The following C20orf96 variants were observed in gnomAD, a reference collection of about 807,000 sequenced individuals.
C20orf96 encodes the protein chromosome 20 open reading frame 96.
C20orf96 carries 57 observed loss-of-function variants against 52.6 expected under a neutral mutation model. That is an observed-to-expected ratio of 1.08 (90% CI 0.88 to 1.35). The LOEUF (loss-of-function observed/expected upper bound fraction) is 1.35, where lower values mean the gene tolerates loss of function less well. C20orf96 is among the 40% of genes most tolerant of loss of function. C20orf96 has a pLI of 0.00. For synonymous variants in C20orf96, 168 were observed against 157.2 expected, an observed-to-expected ratio of 1.07 and a Z score of -0.51; for missense variants, 478 against 443.6, an observed-to-expected ratio of 1.08 and a Z score of -0.70.
chr20:285,415 A>G (rs2012357884), intron 3 of C20orf96, among the ~76,000 whole-genome samples: 1 of 152,244 alleles, frequency 6.6e-6, no homozygotes, highest in Non-Finnish European at 1.5e-5. Flanking sequence ...ATCCTGAGAA[A>G]TGCTGGCATT....
intron 3 of C20orf96, among the ~76,000 whole-genome samples, chr20:288,174 C>CTTTTTTTTTT (rs1237648367): frequency 3.9e-4 from 26 of 66,054 alleles, no homozygotes; most frequent in East Asian, 1.1e-3. Context: ...TTTTCTTTTT[C>CTTTTTTTTTT]TTTTTTTTTT....
chr20:279,098 G>GGGAC, intron 5 of C20orf96, 74 bp downstream of exon 5: 3 of 1,005,080 alleles, frequency 3.0e-6, no homozygotes, highest in East Asian at 4.0e-5. Context: ...GCGGGACGGA[G>GGGAC]GGACGGAGGG....
chr20:282,238 G>A (rs895339763), intron 4 of C20orf96, among the ~76,000 whole-genome samples: 3 of 152,188 alleles, frequency 2.0e-5, no homozygotes, highest in South Asian at 2.1e-4. Context: ...ACTCTCCTCC[G>A]TGCCTCCAGC....
chr20:277,552 G>C (rs961744725), intron 6 of C20orf96, among the ~76,000 whole-genome samples, 169 bp from the exon 7 acceptor site: 3 of 152,116 alleles, frequency 2.0e-5, no homozygotes, highest in African/African-American at 7.2e-5. Flanking sequence ...GCTCTAGACG[G>C]TTTTCCACCC....
At position 271,128 on chromosome 20, in the gene C20orf96, C is replaced by T. The variant is rs949067882; in HGVS notation, c.*79G>A. ...GTAGATCAGGGTCTGAATGGAGATCCGGTCCTGGAAGTAAATGATCCAAGG... is the reference window on the plus strand; with the variant it reads ...GTAGATCAGGGTCTGAATGGAGATCTGGTCCTGGAAGTAAATGATCCAAGG... On this transcript the variant is annotated 3_prime_UTR_variant, in exon 11 of 11. Coordinates refer to ENST00000360321, the MANE Select transcript of C20orf96 (RefSeq NM_153269.3). The T allele has an allele frequency of 3.1e-5, 38 of 1,220,894 alleles. No individual in the cohort carries two copies. Among genetic ancestry groups the T allele is most frequent in the Non-Finnish European group, 3.9e-5 (33 of 848,608 alleles). The allele number at this position is 1,220,894 out of a possible 1,614,324, so 75.6% of individuals were successfully genotyped here. A position where few individuals can be genotyped will look rare whatever the true frequency, so the allele number is the denominator to read the frequency against.
Position 277,330 on chromosome 20 carries a change from C to T in C20orf96, c.619G>A (p.Glu207Lys). Residue 207 changes from glutamate to lysine, a missense_variant, in exon 7 of 11, where the codon GAA becomes AAA. Glu to Lys is a moderately conservative substitution (Grantham distance 56, BLOSUM62 1). Transcript: ENST00000360321. ...ATGTAAGTGCTCAGGAAGTTCACTT[C>T]CTCCTGGGTCTTCTCAATCTTGGCA... ...LNAKIEKTQE[E>K]VNFLSTYMDH... The T allele has an allele frequency of 6.2e-7, 1 of 1,614,136 alleles. No individual in the cohort carries two copies. The highest frequency in any genetic ancestry group is 8.5e-7 in the Non-Finnish European group (1 of 1,180,030).
Position 290,268 on chromosome 20 carries a change from G to T in C20orf96, c.60C>A (p.Phe20Leu). ...HSGTHSIVQE[F>L]QVPDYVPWQQ... is the part of the protein sequence containing the mutation. ...GTCCCCCAAGACTCACCGGAACCTG[G>T]AACTCCTGGACTATGGAGTGAGTCC... is the stretch of plus-strand genomic sequence containing the variant. Residue 20 changes from phenylalanine (F) to leucine (L), a missense_variant, in exon 2 of 11, where the codon TTC becomes TTA. By Grantham distance (22) the Phe-to-Leu change is conservative. Coordinates refer to ENST00000360321, the MANE Select transcript of C20orf96 (RefSeq NM_153269.3). 1 of 1,612,378 alleles carries T rather than the reference G, an allele frequency of 6.2e-7. No individual in the cohort carries two copies. The highest frequency in any genetic ancestry group is 1.1e-5 in the South Asian group (1 of 90,590).
rs2011816640 is a variant in C20orf96 at position 271,135 on chromosome 20, G to A, written c.*72C>T. 8.5e-6 allele frequency: 11 copies of A among 1,295,674 alleles called. No individual in the cohort carries two copies. The highest frequency in any genetic ancestry group is 1.3e-5 in the South Asian group (1 of 78,736). The allele number at this position is 1,295,674 out of a possible 1,614,324, so 80.3% of individuals were successfully genotyped here. A position where few individuals can be genotyped will look rare whatever the true frequency, so the allele number is the denominator to read the frequency against. ...AGGGTCTGAATGGAGATCCGGTCCTGGAAGTAAATGATCCAAGGCTCCAGG... is the reference window on the plus strand; with the variant it reads ...AGGGTCTGAATGGAGATCCGGTCCTAGAAGTAAATGATCCAAGGCTCCAGG... On this transcript the variant is annotated 3_prime_UTR_variant, in exon 11 of 11. Coordinates refer to ENST00000360321, the MANE Select transcript of C20orf96 (RefSeq NM_153269.3).
chr20:272,682 C>A (rs1039993079), intron 10 of C20orf96, among the ~76,000 whole-genome samples: 5 of 152,036 alleles, frequency 3.3e-5, no homozygotes, highest in Admixed American at 1.3e-4. Context: ...ACTGTGCCTA[C>A]ATACACATCC....
At chr20:273,471 C>T (rs1427546904) in intron 10 of C20orf96, among the ~76,000 whole-genome samples, 3 of 152,192 alleles carry the variant, frequency 2.0e-5, no homozygotes, top group African/African-American at 7.2e-5. Context: ...CCTCACTCAG[C>T]TCCGTGTCAA....
chr20:289,447 G>T, intron 3 of C20orf96, 112 bp downstream of exon 3: 1 of 723,174 alleles, frequency 1.4e-6, no homozygotes. Context: ...TTTGGGCATT[G>T]TTTATTACAT....
At chr20:275,642 C>T (rs6112528) in intron 10 of C20orf96, among the ~76,000 whole-genome samples, 2,527 of 152,302 alleles carry the variant, frequency 0.017, 70 homozygotes, top group African/African-American at 0.058. Flanking sequence ...CCAACCACCC[C>T]ACTCAACTCT....
At chr20:279,948 G>A (rs1425017153) in intron 4 of C20orf96, among the ~76,000 whole-genome samples, 1 of 152,080 alleles carries the variant, frequency 6.6e-6, no homozygotes, top group Non-Finnish European at 1.5e-5. Context: ...CAGCCTGGGC[G>A]ACAGAGGAAG....
intron 3 of C20orf96, among the ~76,000 whole-genome samples, chr20:284,450 G>A (rs2012331793): frequency 6.6e-6 from 1 of 152,256 alleles, no homozygotes; most frequent in Non-Finnish European, 1.5e-5. Flanking sequence ...AAAGACCAGA[G>A]TCTGGCAGGC....
rs866451900 is a variant in C20orf96 at position 274,828 on chromosome 20, A to T, written c.1031+1140T>A. ...TTTCTTTTTTTTTTAATTAAAAAAA[A>T]ATTTTTTTTTAGATGGAGTCTCGCT... is the stretch of plus-strand genomic sequence containing the variant. On this transcript the variant is annotated intron_variant, in intron 10 of 10. Transcript: ENST00000360321. Among the ~76,000 whole-genome samples, 94 of 151,528 alleles carry T rather than the reference A, an allele frequency of 6.2e-4. 2 individuals carry two copies. The highest frequency in any genetic ancestry group is 2.4e-4 in the Non-Finnish European group (16 of 67,902).
chr20:276,617 C>A, intron 9 of C20orf96, 176 bp downstream of exon 9: 1 of 1,444,862 alleles, frequency 6.9e-7, no homozygotes, highest in Non-Finnish European at 9.1e-7. Flanking sequence ...GTGCCAATCG[C>A]CTTCCCAGAT....
chr20:278,724 T>TC (rs1352968755), intron 5 of C20orf96, among the ~76,000 whole-genome samples: 1 of 150,342 alleles, frequency 6.7e-6, no homozygotes, highest in East Asian at 2.0e-4. Flanking sequence ...ACGGGTGCTA[T>TC]GGTGCCGCAT....
At chr20:282,257 C>T (rs6081977) in intron 4 of C20orf96, among the ~76,000 whole-genome samples, 2 of 152,320 alleles carry the variant, frequency 1.3e-5, no homozygotes, top group Non-Finnish European at 2.9e-5. Flanking sequence ...GCCCCCTAAC[C>T]TTATTCTTAG....
intron 10 of C20orf96, among the ~76,000 whole-genome samples, chr20:273,888 A>C: frequency 1.4e-5 from 1 of 73,758 alleles, no homozygotes. Context: ...AGAAGAAGGA[A>C]GGAAGAAAGG....
Sources: gnomAD v4.1 joint callset for allele counts (sites outside exome capture counted in the v4.1 genomes callset) on GRCh38, gnomAD v4.1.1 for gene constraint, MANE v1.5 for transcripts, NCBI Gene and HGNC (gene_info 2026-07-23, HGNC 2026-07-21) for gene names.